HAUS7: variants seen among roughly 807,000 people sequenced by gnomAD.
HAUS7 encodes HAUS augmin-like complex subunit 7.
In HAUS7, 3 loss-of-function variants were observed where a neutral mutation model predicts 28.4. The ratio of observed to expected loss-of-function variants is 0.11; its 90% CI spans 0.05 to 0.27. The LOEUF is 0.27. Among genes scored for constraint, HAUS7 ranks in the 10% least tolerant of loss-of-function variants. The probability of loss-of-function intolerance (pLI) is 1.00; values close to 1 mark genes in which losing one functional copy is unlikely to be tolerated. For synonymous variants in HAUS7, 165 were observed against 132.1 expected (o/e 1.25, Z -1.71); for missense variants, 284 against 297.3 (o/e 0.96, Z 0.33).
chrX:153,454,545 GGAGC>G (rs782575687), intron 8 of HAUS7, 37 bp from the exon 9 acceptor site: 3 of 585,231 alleles, frequency 5.1e-6, no homozygotes, highest in Admixed American at 2.9e-5. Context: ...AGGGAGGGAG[GGAGC>G]GAGCAGGCAC....
In HAUS7 at chrX:153,482,457, G is replaced by A. The variant is rs782570225; in HGVS notation, c.-588-11312C>T. On this transcript the variant is annotated intron_variant, in intron 1 of 5. Transcript: ENST00000370210. ...CAGGGCTTGCAAGGCAGCAGCTTCC[G>A]TGGTGCGGGCGAGTTCCGGGGGCAG... 9.7e-5 allele frequency: 73 copies of A among 755,540 alleles called. No individual in the cohort carries two copies. In the Middle Eastern group the frequency reaches 2.4e-3, roughly 25 times the overall value. 62.3% of individuals were successfully genotyped at this position (755,540 alleles called of 1,213,427 possible).
chrX:153,491,827 C>G (rs1473797262), intron 1 of HAUS7, among the ~76,000 whole-genome samples: 3 of 113,130 alleles, frequency 2.7e-5, no homozygotes, highest in Admixed American at 9.2e-5. Flanking sequence ...GCTGAGCTCT[C>G]GGCTCCATCC....
chrX:153,477,345 G>C (rs1205965415), intron 1 of HAUS7, among the ~76,000 whole-genome samples: 4 of 113,465 alleles, frequency 3.5e-5, no homozygotes, highest in East Asian at 2.8e-4. Context: ...CCCCAGGCAG[G>C]GGGAGGGGCG....
At chrX:153,463,537 C>A (rs1438614982) in intron 3 of HAUS7, among the ~76,000 whole-genome samples, 2 of 112,635 alleles carry the variant, frequency 1.8e-5, no homozygotes, top group African/African-American at 6.5e-5. Flanking sequence ...GCTCTCCCTG[C>A]CTCTTCCCCG....
chrX:153,492,814 G>A (rs1235299751), intron 1 of HAUS7, among the ~76,000 whole-genome samples: 1 of 111,268 alleles, frequency 9.0e-6, no homozygotes, highest in Non-Finnish European at 1.9e-5. Flanking sequence ...CCTCCAGGTA[G>A]CCCTCCCGAG....
chrX:153,467,969 G>A (rs1197611997), intron 2 of HAUS7, among the ~76,000 whole-genome samples: 2 of 112,422 alleles, frequency 1.8e-5, no homozygotes, highest in Admixed American at 9.4e-5. Flanking sequence ...GAGGACGTAC[G>A]ACATGCAGAG....
intron 1 of HAUS7, chrX:153,480,718 C>T (rs1409469642): frequency 9.3e-6 from 7 of 753,639 alleles, no homozygotes; most frequent in African/African-American, 2.3e-5. Context: ...GGCTGGAAAG[C>T]GCTTCCCAGG....
Position 153,454,510 on chromosome X carries a change from TGGGGAGGGA to T in HAUS7, c.931-11_931-3del, listed in dbSNP as rs782213029. 5.0e-4 allele frequency: 66 copies of T among 132,444 alleles called. No individual in the cohort carries two copies. The African/African-American group carries it at 9.9e-3, about 20-fold the overall frequency. 10.9% of individuals were successfully genotyped at this position (132,444 alleles called of 1,213,427 possible). A position where few individuals can be genotyped will look rare whatever the true frequency, so the allele number is the denominator to read the frequency against. ...AACTGCCATGACCACTTGCAGCAGCTGGGGAGGGAGGGAGGGAGGGAGGGAGGGAGGGAG... is the reference window on the plus strand; with the variant it reads ...AACTGCCATGACCACTTGCAGCAGCTGGGAGGGAGGGAGGGAGGGAGGGAG... On this transcript the variant is annotated splice_region_variant and splice_polypyrimidine_tract_variant and intron_variant, in intron 8 of 9. Transcript: ENST00000370211.
intron 2 of HAUS7, among the ~76,000 whole-genome samples, chrX:153,465,678 G>A (rs2089446931): frequency 1.8e-5 from 2 of 112,403 alleles, no homozygotes; most frequent in Admixed American, 1.9e-4. Context: ...CATCTGGTGG[G>A]CAAAACCAGA....
intron 2 of HAUS7, among the ~76,000 whole-genome samples, chrX:153,466,195 A>G (rs1556984267): frequency 1.8e-5 from 2 of 112,910 alleles, no homozygotes; most frequent in African/African-American, 6.4e-5. Context: ...GGGGGAGGCC[A>G]GCAGGCTGGG....
At chrX:153,478,758 A>G (rs1021339129) in intron 1 of HAUS7, among the ~76,000 whole-genome samples, 2 of 112,609 alleles carry the variant, frequency 1.8e-5, no homozygotes, top group African/African-American at 6.4e-5. Context: ...CACAGATTCT[A>G]TTTCCTCTGG....
chrX:153,462,760 T>G, intron 3 of HAUS7, 89 bp from the exon 4 acceptor site: 1 of 716,467 alleles, frequency 1.4e-6, no homozygotes, highest in Non-Finnish European at 2.2e-6. Flanking sequence ...ACCCACAGAC[T>G]AGACTGGGTA....
rs2089308746 is a variant in HAUS7 at position 153,456,327 on chromosome X, G to T, written c.643C>A (p.Leu215Met). The T allele has an allele frequency of 8.3e-7, 1 of 1,210,158 alleles. No individual in the cohort carries two copies. Among genetic ancestry groups the T allele is most frequent in the African/African-American group, 1.7e-5 (1 of 57,384 alleles). ...ASAKSEEEEKLAELARQLQES... is the reference protein window; with the variant it reads ...ASAKSEEEEKMAELARQLQES... ...TGCAGCTGCCTGGCAAGCTCCGCCA[G>T]CTTCTCCTCCTCCTCGGACTTGGCA... Residue 215 changes from leucine (L) to methionine (M), a missense_variant, in exon 7 of 10, where the codon CTG becomes ATG. Leu to Met is a conservative substitution (Grantham distance 15). Coordinates refer to ENST00000370211, the MANE Select transcript of HAUS7 (RefSeq NM_001385482.1).
chrX:153,455,379 C>A, intron 8 of HAUS7, 163 bp downstream of exon 8: 1 of 451,099 alleles, frequency 2.2e-6, no homozygotes, highest in South Asian at 3.3e-5. Context: ...TGCCACGCCA[C>A]TGGCCAGCAG....
upstream of HAUS7, chrX:153,470,913 T>A (rs1374400922): frequency 7.0e-5 from 24 of 342,889 alleles, 2 homozygotes; most frequent in African/African-American, 3.2e-4. Flanking sequence ...TGGCTCTGAG[T>A]CGCAGGCCTT....
At chrX:153,466,402 G>A (rs1019609933) in intron 2 of HAUS7, among the ~76,000 whole-genome samples, 18 of 112,281 alleles carry the variant, frequency 1.6e-4, no homozygotes, top group African/African-American at 5.5e-4. Flanking sequence ...GGGCAGAGCA[G>A]GAACAGAAAA....
chrX:153,449,377 T>C (rs924989691), intron 9 of HAUS7, among the ~76,000 whole-genome samples: 1 of 112,179 alleles, frequency 8.9e-6, no homozygotes, highest in Non-Finnish European at 1.9e-5. Context: ...CCCAGGACCC[T>C]CTCCACTCGC....
chrX:153,464,660 C>T (rs1161082170), intron 3 of HAUS7, among the ~76,000 whole-genome samples: 1 of 112,681 alleles, frequency 8.9e-6, no homozygotes, highest in Non-Finnish European at 1.9e-5. Flanking sequence ...ATAAGGCAAG[C>T]TCCGCTGGAG....
At chrX:153,456,145 A>G in intron 7 of HAUS7, 120 bp downstream of exon 7, 1 of 541,423 alleles carries the variant, frequency 1.8e-6, no homozygotes, top group Non-Finnish European at 3.2e-6. Context: ...GCACCACAGT[A>G]TTCTAGAACA....
Sources: allele counts gnomAD v4.1 joint callset (sites outside exome capture counted in the v4.1 genomes callset), GRCh38; gene constraint gnomAD v4.1.1; transcripts MANE v1.5; gene names NCBI Gene and HGNC (gene_info 2026-07-23, HGNC 2026-07-21).